TAFA2: variants seen among roughly 807,000 people sequenced by gnomAD.
TAFA2 encodes TAFA chemokine like family member 2.
Under a neutral mutation model 18.8 loss-of-function variants are expected in TAFA2, and 7 were observed. That is an observed-to-expected ratio of 0.37 (90% confidence interval 0.21 to 0.70). The LOEUF is 0.70. Among genes scored for constraint, TAFA2 ranks in the 30% least tolerant of loss-of-function variants. TAFA2 has a pLI of 0.53. For synonymous variants in TAFA2, 60 were observed against 54.2 expected (o/e 1.11, Z -0.47); for missense variants, 122 against 158.1 (o/e 0.77, Z 1.23).
At chr12:61,733,430 A>G (rs1868254893) in intron 4 of TAFA2, among the ~76,000 whole-genome samples, 1 of 151,996 alleles carries the variant, frequency 6.6e-6, no homozygotes, top group African/African-American at 2.4e-5. Context: ...TCTTTAATCC[A>G]TCTTGAATTA....
chr12:62,238,983 T>C (rs148601994), intron 1 of TAFA2, among the ~76,000 whole-genome samples: 95 of 152,324 alleles, frequency 6.2e-4, no homozygotes, highest in African/African-American at 2.2e-3. Context: ...GATTTATAAA[T>C]ATGCACGTTT....
intron 1 of TAFA2, among the ~76,000 whole-genome samples, chr12:62,024,161 G>A (rs1421778839): frequency 6.6e-6 from 1 of 152,078 alleles, no homozygotes; most frequent in Non-Finnish European, 1.5e-5. Flanking sequence ...TGGTATTCAG[G>A]AAAGTCAGTA....
intron 1 of TAFA2, among the ~76,000 whole-genome samples, chr12:62,047,015 G>A (rs1302814402): frequency 6.6e-6 from 1 of 151,774 alleles, no homozygotes; most frequent in Admixed American, 6.6e-5. Context: ...TTATTCATTA[G>A]GTTAACACCC....
chr12:61,823,205 C>A (rs1239412496), intron 2 of TAFA2, among the ~76,000 whole-genome samples: 1 of 151,936 alleles, frequency 6.6e-6, no homozygotes, highest in Non-Finnish European at 1.5e-5. Flanking sequence ...TAGGGTCTCA[C>A]TCTGTTGTCC....
chr12:61,759,987 T>C (rs114460083), intron 2 of TAFA2, among the ~76,000 whole-genome samples: 535 of 151,018 alleles, frequency 3.5e-3, no homozygotes, highest in African/African-American at 0.012. Flanking sequence ...TCAGAGAGCA[T>C]GATGCTAGAT....
chr12:61,721,591 A>T (rs1368043072), intron 4 of TAFA2, among the ~76,000 whole-genome samples: 1 of 152,210 alleles, frequency 6.6e-6, no homozygotes, highest in Non-Finnish European at 1.5e-5. Context: ...ATCCTCATTA[A>T]CAGTCAGAAT....
chr12:62,140,719 G>C (rs889238721), intron 1 of TAFA2, among the ~76,000 whole-genome samples: 1 of 152,164 alleles, frequency 6.6e-6, no homozygotes, highest in Non-Finnish European at 1.5e-5. Flanking sequence ...TTTTCAGCCA[G>C]CCTAGGGTGG....
intron 1 of TAFA2, among the ~76,000 whole-genome samples, chr12:62,034,943 A>G (rs1881559120): frequency 6.6e-6 from 1 of 152,214 alleles, no homozygotes; most frequent in South Asian, 2.1e-4. Flanking sequence ...TGAGAGAGCA[A>G]GAGATGGTGA....
chr12:61,955,922 C>A (rs1878680989), intron 1 of TAFA2, among the ~76,000 whole-genome samples: 1 of 151,352 alleles, frequency 6.6e-6, no homozygotes, highest in South Asian at 2.1e-4. Context: ...ATAATCTTAG[C>A]GATTTTAAAA....
At chr12:61,970,844 G>GA (rs200263425) in intron 1 of TAFA2, among the ~76,000 whole-genome samples, 2,481 of 134,984 alleles carry the variant, frequency 0.018, 38 homozygotes, top group East Asian at 0.079. Flanking sequence ...TTTAAGAAAT[G>GA]AAAAAAAAAA....
intron 1 of TAFA2, among the ~76,000 whole-genome samples, chr12:62,026,971 C>T (rs775666335): frequency 7.2e-5 from 11 of 152,126 alleles, no homozygotes; most frequent in African/African-American, 2.2e-4. Context: ...AGCTCGAAGA[C>T]GTATTTTTTC....
intron 1 of TAFA2, among the ~76,000 whole-genome samples, chr12:61,981,257 T>C (rs749113653): frequency 4.6e-5 from 7 of 152,160 alleles, no homozygotes; most frequent in Admixed American, 6.5e-5. Flanking sequence ...GCTAGCTATA[T>C]GTAGAAAGCT....
intron 1 of TAFA2, 53 bp from the exon 2 acceptor site, chr12:61,867,479 C>T (rs1356168865): frequency 2.7e-6 from 3 of 1,115,850 alleles, no homozygotes; most frequent in Non-Finnish European, 4.0e-6. Flanking sequence ...ATAGCTTTTC[C>T]CTTATGATTG....
At chr12:61,772,842 A>C (rs967465137) in intron 2 of TAFA2, among the ~76,000 whole-genome samples, 8 of 151,836 alleles carry the variant, frequency 5.3e-5, no homozygotes, top group Non-Finnish European at 8.8e-5. Flanking sequence ...TCAACATAGT[A>C]CTGGAAGTCA....
intron 1 of TAFA2, among the ~76,000 whole-genome samples, chr12:61,973,124 G>A (rs1274202744): frequency 6.6e-6 from 1 of 151,470 alleles, no homozygotes; most frequent in Admixed American, 6.6e-5. Context: ...TTATACACCT[G>A]TCAAAAATAG....
intron 1 of TAFA2, chr12:61,880,576 C>CT (rs1875081935): frequency 4.2e-6 from 2 of 471,992 alleles, no homozygotes; most frequent in African/African-American, 3.9e-5. Context: ...CCACCAGTGG[C>CT]TACGCAGGAG....
intron 2 of TAFA2, among the ~76,000 whole-genome samples, chr12:61,779,115 T>A (rs921794210): frequency 6.6e-6 from 1 of 151,908 alleles, no homozygotes; most frequent in Non-Finnish European, 1.5e-5. Context: ...TGTAAAGCTG[T>A]GTGTTCACTG....
In TAFA2 at chr12:62,147,593, G is replaced by A. The variant is rs1276019963; in HGVS notation, c.-2+43666C>T. ...AAAATACAAAAAATTAGCCAGGCAC[G>A]GTGGCGGGGGCCTGTAGTCCCAGCT... On this transcript the variant is annotated intron_variant, in intron 1 of 4. Coordinates refer to ENST00000416284, the MANE Select transcript of TAFA2 (RefSeq NM_178539.5). Among the ~76,000 whole-genome samples the A allele has an allele frequency of 2.7e-5, 4 of 150,224 alleles. No homozygotes were observed. In the South Asian group the frequency reaches 6.3e-4, roughly 24 times the overall value.
At chr12:62,115,672 G>C (rs971476936) in intron 1 of TAFA2, among the ~76,000 whole-genome samples, 2 of 152,118 alleles carry the variant, frequency 1.3e-5, no homozygotes, top group Non-Finnish European at 2.9e-5. Context: ...TGCTTCCCAC[G>C]GTTGTGTCTG....
Sources: gnomAD v4.1 joint callset for allele counts (sites outside exome capture counted in the v4.1 genomes callset) on GRCh38, gnomAD v4.1.1 for gene constraint, MANE v1.5 for transcripts, NCBI Gene and HGNC (gene_info 2026-07-23, HGNC 2026-07-21) for gene names.